The following CGNL1 variants were observed in gnomAD, a reference collection of about 807,000 sequenced individuals.
CGNL1 encodes the protein cingulin like 1, also known as cingulin-like protein 1.
Under a neutral mutation model 141.2 loss-of-function variants are expected in CGNL1, and 132 were observed. The ratio of observed to expected loss-of-function variants is 0.93; its 90% confidence interval spans 0.81 to 1.08. The LOEUF is 1.08. Ranked by LOEUF, CGNL1 falls within the 50% of genes least tolerant of loss-of-function variation. The pLI is 0.00. For missense variants in CGNL1, 1,870 were observed against 1,588.6 expected (o/e 1.18, Z -3.01); for synonymous variants, 690 against 622.1 (o/e 1.11, Z -1.63).
intron 1 of CGNL1, among the ~76,000 whole-genome samples, chr15:57,381,613 G>A (rs762416395): frequency 6.6e-6 from 1 of 152,070 alleles, no homozygotes; most frequent in Non-Finnish European, 1.5e-5. Context: ...GAGTACTCTG[G>A]TCTGTCTGAA....
chr15:57,500,318 C>T (rs2064005146), intron 8 of CGNL1, among the ~76,000 whole-genome samples: 1 of 152,164 alleles, frequency 6.6e-6, no homozygotes, highest in Non-Finnish European at 1.5e-5. Flanking sequence ...GGGAATGGTG[C>T]TGCCATTGTC....
chr15:57,509,637 G>A (rs1317600274), intron 8 of CGNL1, among the ~76,000 whole-genome samples: 3 of 152,206 alleles, frequency 2.0e-5, no homozygotes, highest in African/African-American at 7.2e-5. Flanking sequence ...TTCTAAATGT[G>A]GGTGTTAACC....
chr15:57,495,305 C>G (rs2063921915), intron 8 of CGNL1, among the ~76,000 whole-genome samples: 1 of 152,150 alleles, frequency 6.6e-6, no homozygotes, highest in African/African-American at 2.4e-5. Flanking sequence ...TGGTGTTGGT[C>G]TCATTACCAG....
chr15:57,521,128 G>C (rs1423345735), intron 10 of CGNL1, among the ~76,000 whole-genome samples: 1 of 152,102 alleles, frequency 6.6e-6, no homozygotes, highest in Non-Finnish European at 1.5e-5. Context: ...TTTCACTCCT[G>C]ATACTGTCCA....
intron 1 of CGNL1, among the ~76,000 whole-genome samples, chr15:57,390,397 G>C (rs1340176514): frequency 1.3e-5 from 2 of 152,232 alleles, no homozygotes; most frequent in Non-Finnish European, 2.9e-5. Context: ...GCAGCCCACT[G>C]TCAGTTCTGC....
At chr15:57,459,350 C>T (rs1457472073) in intron 7 of CGNL1, among the ~76,000 whole-genome samples, 8 of 151,866 alleles carry the variant, frequency 5.3e-5, no homozygotes, top group Non-Finnish European at 8.8e-5. Context: ...GATAAGTAGG[C>T]GAGTCAAATG....
intron 10 of CGNL1, among the ~76,000 whole-genome samples, 174 bp downstream of exon 10, chr15:57,518,671 G>A (rs2031025040): frequency 6.6e-6 from 1 of 152,168 alleles, no homozygotes; most frequent in Non-Finnish European, 1.5e-5. Context: ...TCTCAACTGG[G>A]GGGGATTTGG....
At position 57,483,229 on chromosome 15, in the gene CGNL1, C is replaced by A. The variant is rs535598295; in HGVS notation, c.2403+21337C>A. Among the ~76,000 whole-genome samples, 13 of 152,310 alleles carry A rather than the reference C, an allele frequency of 8.5e-5. No homozygotes were observed. The South Asian group carries it at 2.7e-3, about 32-fold the overall frequency. ...AAATCTCCATTTATTTAGATGTTCA[C>A]TGCTTTCATCATTTGATTTTGTATT... On this transcript the variant is annotated intron_variant, in intron 8 of 18. Transcript: ENST00000281282.
At chr15:57,404,978 T>G (rs1302427371) in intron 1 of CGNL1, 5 of 152,208 alleles carry the variant, frequency 3.3e-5, no homozygotes, top group Admixed American at 2.0e-4. Context: ...ACCTGTAAAA[T>G]GGGAATGCTA....
At chr15:57,395,858 T>G (rs1595658388) in intron 1 of CGNL1, among the ~76,000 whole-genome samples, 1 of 130,678 alleles carries the variant, frequency 7.7e-6, no homozygotes, top group East Asian at 3.0e-4. Flanking sequence ...ACGAACCAAG[T>G]TAAAAAACAT....
chr15:57,392,895 T>A (rs762145522), intron 1 of CGNL1, among the ~76,000 whole-genome samples: 1 of 152,214 alleles, frequency 6.6e-6, no homozygotes, highest in Non-Finnish European at 1.5e-5. Context: ...AATTGTTATC[T>A]TAATGATGTG....
intron 4 of CGNL1, among the ~76,000 whole-genome samples, chr15:57,451,203 C>A (rs180837543): frequency 5.9e-5 from 9 of 152,186 alleles, no homozygotes; most frequent in African/African-American, 1.9e-4. Flanking sequence ...AACAAATATG[C>A]CATGTATGCA....
rs1274200969 is a variant in CGNL1, at chr15:57,438,505, C to T, written c.506C>T (p.Pro169Leu). 1.9e-6 allele frequency: 3 copies of T among 1,614,046 alleles called. No homozygotes were observed. In the African/African-American group the frequency reaches 4.0e-5, roughly 22 times the overall value. ...KNELNLQNHQ[P>L]SESNWLKTLT... is the part of the protein sequence containing the mutation. ...GAGTTGAATTTACAAAATCACCAGC[C>T]TTCTGAGAGTAATTGGCTAAAAACG... Residue 169 changes from proline to leucine, a missense_variant, in exon 2 of 19, where the codon CCT becomes CTT. Pro to Leu is a moderately conservative substitution (Grantham distance 98). Coordinates refer to ENST00000281282, the MANE Select transcript of CGNL1 (RefSeq NM_032866.5).
rs892029004 is a variant in CGNL1 at position 57,549,698 on chromosome 15, T to A, written c.*2208T>A. On this transcript the variant is annotated 3_prime_UTR_variant, in exon 19 of 19. Transcript: ENST00000281282. ...ATTAAACAGGCAAAAATTCCTCCCC[T>A]CCTGGAGCTCAGTGTCAGGAAAGGG... The A allele has an allele frequency of 2.0e-5, 3 of 152,182 alleles. No individual in the cohort carries two copies. Among genetic ancestry groups the A allele is most frequent in the Non-Finnish European group, 4.4e-5 (3 of 68,058 alleles). The allele number at this position is 152,182 out of a possible 1,614,324, so 9.4% of individuals were successfully genotyped here.
At chr15:57,395,489 C>G (rs1423940781) in intron 1 of CGNL1, among the ~76,000 whole-genome samples, 1 of 152,214 alleles carries the variant, frequency 6.6e-6, no homozygotes, top group African/African-American at 2.4e-5. Context: ...GCACAGATGG[C>G]TACTGAATGC....
At position 57,459,452 on chromosome 15, in the gene CGNL1, G is replaced by A. The variant is rs74016209; in HGVS notation, c.2191-2228G>A. On this transcript the variant is annotated intron_variant, in intron 7 of 18. Transcript: ENST00000281282. ...CAGCTAGAGTGAGATGGGTATTCAA[G>A]AGGGATATTCAAGGAAGACCTCTTG... Among the ~76,000 whole-genome samples the A allele has an allele frequency of 3.4e-3, 514 of 152,292 alleles. 2 individuals are homozygous for A. Among genetic ancestry groups the A allele is most frequent in the African/African-American group, 0.012 (491 of 41,550 alleles).
At chr15:57,385,606 T>C (rs1395250990) in intron 1 of CGNL1, among the ~76,000 whole-genome samples, 4 of 152,144 alleles carry the variant, frequency 2.6e-5, no homozygotes, top group Non-Finnish European at 4.4e-5. Flanking sequence ...TCACTAGGAG[T>C]GATGGCTCTT....
At chr15:57,463,758 C>T (rs2063475023) in intron 8 of CGNL1, among the ~76,000 whole-genome samples, 1 of 152,196 alleles carries the variant, frequency 6.6e-6, no homozygotes, top group South Asian at 2.1e-4. Flanking sequence ...TAACCCATCT[C>T]CAGAAAACTC....
chr15:57,462,292 T>C (rs1179289347), intron 8 of CGNL1, among the ~76,000 whole-genome samples: 1 of 152,122 alleles, frequency 6.6e-6, no homozygotes, highest in African/African-American at 2.4e-5. Context: ...GAATCCTTCA[T>C]CCCCCACCCT....
Sources: allele counts gnomAD v4.1 joint callset (sites outside exome capture counted in the v4.1 genomes callset), GRCh38; gene constraint gnomAD v4.1.1; transcripts MANE v1.5; gene names NCBI Gene and HGNC (gene_info 2026-07-23, HGNC 2026-07-21).